The following SOS1 variants were observed in gnomAD, a reference collection of about 807,000 sequenced individuals.
SOS1 encodes SOS Ras/Rac guanine nucleotide exchange factor 1, also known as son of sevenless homolog 1.
In SOS1, 25 loss-of-function variants were observed where a neutral mutation model predicts 157.6. The ratio of observed to expected loss-of-function variants is 0.16; its 90% CI spans 0.12 to 0.22. The LOEUF (loss-of-function observed/expected upper bound fraction) is 0.22, where lower values mean the gene tolerates loss of function less well. Ranked by LOEUF, SOS1 falls within the 10% of genes least tolerant of loss-of-function variation. SOS1 has a pLI of 1.00. For missense variants in SOS1, 1,237 were observed against 1,599.1 expected (o/e 0.77, Z 3.86); for synonymous variants, 528 against 534.0 (o/e 0.99, Z 0.16).
chr2:39,037,035 G>C (rs530963792), intron 6 of SOS1, among the ~76,000 whole-genome samples: 65 of 152,204 alleles, frequency 4.3e-4, no homozygotes, highest in Non-Finnish European at 7.6e-4. Flanking sequence ...GAAGACGTGA[G>C]TTCTGGTTGT....
intron 1 of SOS1, among the ~76,000 whole-genome samples, chr2:39,080,637 A>T (rs949909150): frequency 6.6e-6 from 1 of 152,232 alleles, no homozygotes; most frequent in African/African-American, 2.4e-5. Context: ...GTAAACAAAA[A>T]TACTCCTATT....
At chr2:38,998,543 G>A (rs148877935) in intron 17 of SOS1, among the ~76,000 whole-genome samples, 4 of 152,242 alleles carry the variant, frequency 2.6e-5, no homozygotes, top group Non-Finnish European at 2.9e-5. Context: ...GAGTCACCGC[G>A]AGCAGCCTGT....
intron 6 of SOS1, among the ~76,000 whole-genome samples, chr2:39,039,483 G>A (rs1163559712): frequency 6.6e-6 from 1 of 152,210 alleles, no homozygotes; most frequent in Non-Finnish European, 1.5e-5. Context: ...GATGTTGTGA[G>A]ACTATGCCAG....
At chr2:39,070,718 G>A (rs2148146961) in intron 1 of SOS1, among the ~76,000 whole-genome samples, 1 of 152,274 alleles carries the variant, frequency 6.6e-6, no homozygotes, top group Admixed American at 6.5e-5. Context: ...TCACTTAGAT[G>A]TAGTCCTAGA....
chr2:39,047,040 T>C (rs1415230565), intron 6 of SOS1, among the ~76,000 whole-genome samples: 1 of 152,176 alleles, frequency 6.6e-6, no homozygotes, highest in African/African-American at 2.4e-5. Flanking sequence ...AACATATGTA[T>C]ACAATGCATT....
At chr2:39,076,773 T>C (rs970624272) in intron 1 of SOS1, among the ~76,000 whole-genome samples, 2 of 152,096 alleles carry the variant, frequency 1.3e-5, no homozygotes, top group Admixed American at 1.3e-4. Flanking sequence ...CTCAACATTG[T>C]CTGGAGGTCC....
At chr2:39,058,925 A>G in intron 2 of SOS1, 121 bp from the exon 3 acceptor site, 1 of 734,312 alleles carries the variant, frequency 1.4e-6, no homozygotes, top group Non-Finnish European at 2.3e-6. Flanking sequence ...GGTATAATTT[A>G]CATTACAAAC....
rs1385832850 is a variant in SOS1 at position 39,061,344 on chromosome 2, GATAAA to G, written c.214-2545_214-2541del. ...TGTAGTGGCAAATTTATAATTTTAT[GATAAA>G]ATAAAATTTCTTTCACAAACACTTT... On this transcript the variant is annotated intron_variant, in intron 2 of 22. Coordinates refer to ENST00000402219, the MANE Select transcript of SOS1 (RefSeq NM_005633.4). Among the ~76,000 whole-genome samples, 6 of 150,954 alleles carry G rather than the reference GATAAA, an allele frequency of 4.0e-5. No individual in the cohort carries two copies. In the East Asian group the frequency reaches 7.8e-4, roughly 20 times the overall value.
intron 1 of SOS1, among the ~76,000 whole-genome samples, chr2:39,074,875 A>G (rs1356377978): frequency 2.1e-5 from 3 of 145,128 alleles, no homozygotes; most frequent in Non-Finnish European, 4.6e-5. Context: ...CTCAACAGGA[A>G]AAAAAAAAAA....
intron 10 of SOS1, among the ~76,000 whole-genome samples, chr2:39,015,294 G>A (rs2124521137): frequency 6.6e-6 from 1 of 151,722 alleles, no homozygotes; most frequent in South Asian, 2.1e-4. Flanking sequence ...TTTAAATCAT[G>A]TTAACAGAGC....
At chr2:39,112,329 CCTCTCTCTCCCT>C (rs1673471730) in intron 1 of SOS1, among the ~76,000 whole-genome samples, 1 of 152,046 alleles carries the variant, frequency 6.6e-6, no homozygotes, top group Non-Finnish European at 1.5e-5. Flanking sequence ...CTGAGCAATT[CCTCTCTCTCCCT>C]CTCTCTCTTG....
chr2:39,108,488 A>T (rs1361908913), intron 1 of SOS1, among the ~76,000 whole-genome samples: 1 of 152,038 alleles, frequency 6.6e-6, no homozygotes. Context: ...CCAAGCTACC[A>T]CAAATCCTTG....
At chr2:39,068,621 G>T (rs1671674053) in intron 1 of SOS1, among the ~76,000 whole-genome samples, 1 of 151,886 alleles carries the variant, frequency 6.6e-6, no homozygotes, top group Non-Finnish European at 1.5e-5. Flanking sequence ...CACAAAATTT[G>T]TAACTGTCTA....
At position 39,051,208 on chromosome 2, in the gene SOS1, A is replaced by G. The variant is rs748234666; in HGVS notation, c.800T>C (p.Val267Ala). The change falls in exon 6 of 23, where the codon GTA (valine) becomes GCA (alanine). Residue 267 changes from valine to alanine, a missense_variant. Val to Ala is a moderately conservative substitution (Grantham distance 64). This residue lies in a region of SOS1 where 108 missense variants were observed against 115.3 expected (regional missense o/e 0.94). Coordinates refer to ENST00000402219, the MANE Select transcript of SOS1 (RefSeq NM_005633.4). Reference protein sequence around the residue: ...VKLLGHIEDTVEMTDEGSPHP... With the variant: ...VKLLGHIEDTAEMTDEGSPHP... ...GGGACTGCCTTCATCTGTCATTTCTACTGTATCTTCTATATGGCCCAGTAA... is the reference window on the plus strand; with the variant it reads ...GGGACTGCCTTCATCTGTCATTTCTGCTGTATCTTCTATATGGCCCAGTAA... 3.7e-6 allele frequency: 6 copies of G among 1,613,210 alleles called. No individual in the cohort carries two copies. The highest frequency in any genetic ancestry group is 1.3e-5 in the African/African-American group (1 of 74,916).
chr2:38,997,479 T>TC, intron 17 of SOS1, 54 bp from the exon 18 acceptor site: 1 of 1,334,472 alleles, frequency 7.5e-7, no homozygotes, highest in Non-Finnish European at 1.1e-6. Context: ...TGCAAGTTTT[T>TC]TTCTGTTTCA....
At chr2:39,078,888 T>C (rs896623590) in intron 1 of SOS1, among the ~76,000 whole-genome samples, 4 of 151,982 alleles carry the variant, frequency 2.6e-5, no homozygotes, top group South Asian at 4.2e-4. Flanking sequence ...GGTGAAACCC[T>C]GTCTCCACTA....
intron 10 of SOS1, among the ~76,000 whole-genome samples, chr2:39,015,293 T>C (rs1669595397): frequency 6.6e-6 from 1 of 151,694 alleles, no homozygotes; most frequent in Non-Finnish European, 1.5e-5. Flanking sequence ...CTTTAAATCA[T>C]GTTAACAGAG....
intron 1 of SOS1, among the ~76,000 whole-genome samples, chr2:39,097,002 A>G (rs1441697324): frequency 1.3e-5 from 2 of 152,202 alleles, no homozygotes; most frequent in East Asian, 1.9e-4. Context: ...TAGCTACACA[A>G]TCTTGGATTA....
chr2:39,112,591 C>T (rs1673481192), intron 1 of SOS1, among the ~76,000 whole-genome samples: 1 of 152,134 alleles, frequency 6.6e-6, no homozygotes, highest in South Asian at 2.1e-4. Flanking sequence ...CATGAGCCAC[C>T]GCACCTGGCT....
Sources: allele counts gnomAD v4.1 joint callset (sites outside exome capture counted in the v4.1 genomes callset), GRCh38; gene constraint gnomAD v4.1.1; regional missense constraint gnomAD v4.1.1; transcripts MANE v1.5; gene names NCBI Gene and HGNC (gene_info 2026-07-23, HGNC 2026-07-21).